UBA5: variants seen among roughly 807,000 people sequenced by gnomAD.
UBA5 encodes ubiquitin like modifier activating enzyme 5.
UBA5 carries 28 observed loss-of-function variants against 52.9 expected under a neutral mutation model. The observed-to-expected ratio is 0.53, with a 90% CI of 0.39 to 0.73. The LOEUF (loss-of-function observed/expected upper bound fraction) is 0.73. Among genes scored for constraint, UBA5 ranks in the 30% least tolerant of loss-of-function variants. The probability of loss-of-function intolerance (pLI) is 0.00; values close to 1 mark genes in which losing one functional copy is unlikely to be tolerated. For synonymous variants in UBA5, 135 were observed against 162.1 expected (o/e 0.83, Z 1.27); for missense variants, 388 against 492.7 (o/e 0.79, Z 2.01).
At chr3:132,666,704 A>T (rs113867079) in intron 3 of UBA5, among the ~76,000 whole-genome samples, 182 of 152,222 alleles carry the variant, frequency 1.2e-3, no homozygotes, top group African/African-American at 3.8e-3. Flanking sequence ...CAGTTTACCA[A>T]TGCTTTCTAA....
intron 8 of UBA5, among the ~76,000 whole-genome samples, chr3:132,673,778 C>T (rs1325640121): frequency 1.3e-5 from 2 of 151,972 alleles, no homozygotes; most frequent in African/African-American, 4.8e-5. Flanking sequence ...GATCCTCCTA[C>T]CTCAGCCTCC....
At chr3:132,673,694 ACT>A (rs1559993652) in intron 8 of UBA5, among the ~76,000 whole-genome samples, 1 of 143,998 alleles carries the variant, frequency 6.9e-6, no homozygotes, top group African/African-American at 2.6e-5. Flanking sequence ...ACAGGGTTTC[ACT>A]CTGTCACCCA....
In UBA5 at chr3:132,660,343, T is replaced by G; in HGVS notation, c.-195T>G. 1.5e-6 allele frequency: 1 copy of G among 669,458 alleles called. No individual in the cohort carries two copies. Among genetic ancestry groups the G allele is most frequent in the Non-Finnish European group, 2.5e-6 (1 of 404,582 alleles). 41.5% of individuals were successfully genotyped at this position (669,458 alleles called of 1,614,324 possible). A position where few individuals can be genotyped will look rare whatever the true frequency, so the allele number is the denominator to read the frequency against. ...ATGTCTGCGACGCACCGGAAGCGGCTCCGAGGAAGGCCTGTGGGAGTCTCG... is the reference window on the plus strand; with the variant it reads ...ATGTCTGCGACGCACCGGAAGCGGCGCCGAGGAAGGCCTGTGGGAGTCTCG... On this transcript the variant is annotated 5_prime_UTR_variant, in exon 1 of 12. Coordinates refer to ENST00000356232, the MANE Select transcript of UBA5 (RefSeq NM_024818.6). This position sits in a 1 kb window ranked among gnomAD's most constrained non-coding sequence, Gnocchi z 4.1.
chr3:132,671,455 C>T (rs1271487953), intron 6 of UBA5, among the ~76,000 whole-genome samples: 1 of 152,010 alleles, frequency 6.6e-6, no homozygotes, highest in Admixed American at 6.6e-5. Context: ...TTGTTTTTAA[C>T]TTTTCAGATG....
At chr3:132,664,220 A>C (rs1343581227) in intron 1 of UBA5, among the ~76,000 whole-genome samples, 1 of 152,190 alleles carries the variant, frequency 6.6e-6, no homozygotes, top group Non-Finnish European at 1.5e-5. Context: ...ATTAAGGCAC[A>C]CTGTGAAATT....
At chr3:132,664,761 T>C (rs1938304383) in intron 1 of UBA5, among the ~76,000 whole-genome samples, 1 of 152,106 alleles carries the variant, frequency 6.6e-6, no homozygotes, top group Non-Finnish European at 1.5e-5. Context: ...AGTATAATGA[T>C]GAAGGAAGAG....
intron 1 of UBA5, chr3:132,654,687 A>T (rs928498638): frequency 6.6e-6 from 1 of 152,224 alleles, no homozygotes; most frequent in East Asian, 1.9e-4. Flanking sequence ...GGGCATTCTG[A>T]GGAAAACCAA....
At position 132,660,396 on chromosome 3, in the gene UBA5, G is replaced by T. The variant is rs548827948; in HGVS notation, c.-142G>T. 1 of 1,083,634 alleles carries T rather than the reference G, an allele frequency of 9.2e-7. No homozygotes were observed. Among genetic ancestry groups the T allele is most frequent in the East Asian group, 2.6e-5 (1 of 38,268 alleles). 67.1% of individuals were successfully genotyped at this position (1,083,634 alleles called of 1,614,324 possible). A position where few individuals can be genotyped will look rare whatever the true frequency, so the allele number is the denominator to read the frequency against. On this transcript the variant is annotated 5_prime_UTR_variant, in exon 1 of 12. Coordinates refer to ENST00000356232, the MANE Select transcript of UBA5 (RefSeq NM_024818.6). The surrounding 1 kb of genome is among the most constrained non-coding windows in gnomAD (Gnocchi z 4.1). ...GACGTGTCTGTCTGTGAGGCGCTGG[G>T]TGCACGTCCCCAGGGCTCTGGGCTA...
intron 1 of UBA5, among the ~76,000 whole-genome samples, chr3:132,664,402 T>A (rs1281510282): frequency 2.0e-5 from 3 of 152,214 alleles, no homozygotes; most frequent in Non-Finnish European, 4.4e-5. Context: ...TAAGGAACAT[T>A]TTCAGAAATG....
rs533137721 is a variant in UBA5 at position 132,678,465 on chromosome 3, C to G, written c.*1939C>G. ...CCAGAATTGGCTTAGCACAGAGACT[C>G]TAAATGATAGTAAAACAACATATTC... On this transcript the variant is annotated 3_prime_UTR_variant, in exon 12 of 12. Coordinates refer to ENST00000356232, the MANE Select transcript of UBA5 (RefSeq NM_024818.6). Among the ~76,000 whole-genome samples, 3 of 152,212 alleles carry G rather than the reference C, an allele frequency of 2.0e-5. No individual in the cohort carries two copies. In the South Asian group the frequency reaches 6.2e-4, roughly 32 times the overall value.
At chr3:132,670,420 G>A (rs1938551396) in intron 5 of UBA5, 136 bp downstream of exon 5, 1 of 497,826 alleles carries the variant, frequency 2.0e-6, no homozygotes. Context: ...AGCAATTTTT[G>A]TGTAATTTTT....
At chr3:132,656,691 A>C (rs1196247997), upstream of UBA5, among the ~76,000 whole-genome samples, 1 of 151,954 alleles carries the variant, frequency 6.6e-6, no homozygotes, top group Non-Finnish European at 1.5e-5. Flanking sequence ...ACGGGGTTTC[A>C]CCATGTTGGC....
Position 132,678,617 on chromosome 3 carries a change from C to T in UBA5, c.*2091C>T, listed in dbSNP as rs1938927818. Among the ~76,000 whole-genome samples the T allele has an allele frequency of 6.6e-6, 1 of 152,046 alleles. No individual in the cohort carries two copies. The highest frequency in any genetic ancestry group is 2.1e-4 in the South Asian group (1 of 4,826). On this transcript the variant is annotated 3_prime_UTR_variant, in exon 12 of 12. Transcript: ENST00000356232. ...CCCTGGATACGTACACTGAACAACA[C>T]AAAAAACGTAATGGCCACTTAAGAA...
In UBA5 at chr3:132,670,980, A is replaced by C. The variant is rs781481137; in HGVS notation, c.510A>C (p.Glu170Asp). The C allele has an allele frequency of 1.1e-4, 174 of 1,613,254 alleles. No homozygotes were observed. The highest frequency in any genetic ancestry group is 1.4e-4 in the Non-Finnish European group (170 of 1,179,510). The part of the protein sequence containing the change: ...FMDRISNGGL[E>D]EGKPVDLVLS... Reference sequence around the variant, plus strand: ...CTTTGACTAGTAATGGTGGGTTAGAAGAAGGAAAACCTGTTGATCTAGTTC... The same window carrying C: ...CTTTGACTAGTAATGGTGGGTTAGACGAAGGAAAACCTGTTGATCTAGTTC... Residue 170 changes from glutamate (E) to aspartate (D), a missense_variant, in exon 6 of 12, where the codon GAA (glutamate) becomes GAC (aspartate). This residue lies in a region of UBA5 where 277 missense variants were observed against 326.4 expected (regional missense o/e 0.85). Coordinates refer to ENST00000356232, the MANE Select transcript of UBA5 (RefSeq NM_024818.6).
chr3:132,665,195 A>G (rs1425794060), intron 1 of UBA5, among the ~76,000 whole-genome samples: 1 of 152,080 alleles, frequency 6.6e-6, no homozygotes, highest in Admixed American at 6.6e-5. Flanking sequence ...GTTGTTTAGG[A>G]ATATGATGGT....
chr3:132,675,136 G>T, intron 8 of UBA5, 112 bp from the exon 9 acceptor site: 1 of 799,838 alleles, frequency 1.3e-6, no homozygotes, highest in Non-Finnish European at 1.9e-6. Context: ...CTGTTTTCTG[G>T]TTAAAAAAAA....
chr3:132,675,580 C>A, intron 9 of UBA5, 25 bp from the exon 10 acceptor site: 1 of 1,600,596 alleles, frequency 6.2e-7, no homozygotes. Context: ...AGTAAGAACA[C>A]TTTGATGCTG....
rs146783933 is a variant in UBA5, at chr3:132,663,532, G to A, written c.162-2291G>A. On this transcript the variant is annotated intron_variant, in intron 1 of 11. Transcript: ENST00000356232. ...TTCACTTCCAACAGCTGATCGTGGGGTTGGAACTCCAACTCAGGTTGGAGT... is the reference window on the plus strand; with the variant it reads ...TTCACTTCCAACAGCTGATCGTGGGATTGGAACTCCAACTCAGGTTGGAGT... Among the ~76,000 whole-genome samples, 8 of 152,234 alleles carry A rather than the reference G, an allele frequency of 5.3e-5. No homozygotes were observed. In the East Asian group the frequency reaches 1.4e-3, roughly 26 times the overall value.
rs367681968 is a variant in UBA5, at chr3:132,678,446, T to C, written c.*1920T>C. Among the ~76,000 whole-genome samples the C allele has an allele frequency of 6.6e-6, 1 of 152,210 alleles. No individual in the cohort carries two copies. The highest frequency in any genetic ancestry group is 6.5e-5 in the Admixed American group (1 of 15,276). ...GAAAGATGGAAAAGCAGTCCCAGAATTGGCTTAGCACAGAGACTCTAAATG... is the reference window on the plus strand; with the variant it reads ...GAAAGATGGAAAAGCAGTCCCAGAACTGGCTTAGCACAGAGACTCTAAATG... On this transcript the variant is annotated 3_prime_UTR_variant, in exon 12 of 12. Coordinates refer to ENST00000356232, the MANE Select transcript of UBA5 (RefSeq NM_024818.6).
Sources: gnomAD v4.1 joint callset for allele counts (sites outside exome capture counted in the v4.1 genomes callset) on GRCh38, gnomAD v4.1.1 for gene constraint, gnomAD v4.1.1 regional missense constraint, Gnocchi (gnomAD v3.1) non-coding constraint, MANE v1.5 for transcripts, NCBI Gene and HGNC (gene_info 2026-07-23, HGNC 2026-07-21) for gene names.